FABP12: variants seen among roughly 807,000 people sequenced by gnomAD.
FABP12 encodes fatty acid-binding protein 12.
A neutral mutation model predicts 13.7 loss-of-function variants in FABP12; 19 were observed. The ratio of observed to expected loss-of-function variants is 1.39; its 90% CI spans 0.97 to 2.04. FABP12 has a LOEUF of 2.04. Ranked by LOEUF, FABP12 falls within the 30% of genes most tolerant of loss-of-function variation. FABP12 has a pLI of 0.00. For missense variants in FABP12, 182 were observed against 164.2 expected, an observed-to-expected ratio of 1.11 and a Z score of -0.59; for synonymous variants, 61 against 57.0, an observed-to-expected ratio of 1.07 and a Z score of -0.32.
chr8:81,548,970 G>A (rs922054691), intron 1 of FABP12, among the ~76,000 whole-genome samples: 9 of 152,106 alleles, frequency 5.9e-5, no homozygotes, highest in Non-Finnish European at 8.8e-5. Flanking sequence ...ACAGACAGAC[G>A]TTGACTAAAG....
intron 1 of FABP12, among the ~76,000 whole-genome samples, chr8:81,569,429 C>A (rs151045080): frequency 1.7e-3 from 263 of 152,210 alleles, no homozygotes; most frequent in Non-Finnish European, 2.5e-3. Context: ...TCAACACTGG[C>A]TCCAAGAGAT....
chr8:81,544,898 A>G (rs1279312641), intron 1 of FABP12, among the ~76,000 whole-genome samples: 2 of 152,246 alleles, frequency 1.3e-5, no homozygotes, highest in Non-Finnish European at 2.9e-5. Context: ...GGATCAAAGA[A>G]GAGTTTACTG....
rs71268012 is a variant in FABP12 at position 81,578,823 on chromosome 8, G to GTTTCTTTTTTTTTTTTTTTTTTTT, written c.-185+11229_-185+11230insAAAAAAAAAAAAAAAAAAAAGAAA. ...TACAGAATCTGACACATTTGTTCAAGTTTTTTTTTTTTTTTTTTTGAGAAG... is the reference window on the plus strand; with the variant it reads ...TACAGAATCTGACACATTTGTTCAAGTTTCTTTTTTTTTTTTTTTTTTTTTTTTTTTTTTTTTTTTTTTGAGAAG... On this transcript the variant is annotated intron_variant, in intron 1 of 5. Coordinates refer to the FABP12 transcript ENST00000692030. Among the ~76,000 whole-genome samples the GTTTCTTTTTTTTTTTTTTTTTTTT allele has an allele frequency of 1.0e-4, 11 of 105,660 alleles. 2 individuals are homozygous for GTTTCTTTTTTTTTTTTTTTTTTTT. The highest frequency in any genetic ancestry group is 3.7e-4 in the African/African-American group (9 of 24,606). 69.3% of individuals were successfully genotyped at this position (105,660 alleles called of 152,430 possible).
At chr8:81,577,373 T>C (rs1351902239) in intron 1 of FABP12, among the ~76,000 whole-genome samples, 1 of 152,216 alleles carries the variant, frequency 6.6e-6, no homozygotes, top group African/African-American at 2.4e-5. Context: ...GTATTAATTT[T>C]GATTTTACTA....
Position 81,568,417 on chromosome 8 carries a change from C to T in FABP12, c.-185+21636G>A, listed in dbSNP as rs563232727. On this transcript the variant is annotated intron_variant, in intron 1 of 5. Coordinates refer to the FABP12 transcript ENST00000692030. ...GATCATCAGAGAAGTAGAAATCAAA[C>T]TACAATGAGATATCATCTAACCTCA... is the stretch of plus-strand genomic sequence containing the variant. Among the ~76,000 whole-genome samples, 4 of 152,182 alleles carry T rather than the reference C, an allele frequency of 2.6e-5. No individual in the cohort carries two copies. In the East Asian group the frequency reaches 7.7e-4, roughly 29 times the overall value.
intron 1 of FABP12, among the ~76,000 whole-genome samples, chr8:81,554,529 A>G (rs1393042423): frequency 6.6e-6 from 1 of 152,192 alleles, no homozygotes; most frequent in Non-Finnish European, 1.5e-5. Context: ...ATCTCTCAAT[A>G]GTAAAGAATA....
exon 4 of FABP12, chr8:81,527,079 C>G (rs1808922053): frequency 1.2e-5 from 20 of 1,612,308 alleles, no homozygotes; most frequent in Non-Finnish European, 1.7e-5. Context: ...CCATCCCAGT[C>G]CTGAACTTGA....
chr8:81,559,422 A>C (rs936260793), intron 1 of FABP12, among the ~76,000 whole-genome samples: 8 of 152,220 alleles, frequency 5.3e-5, no homozygotes, highest in African/African-American at 1.9e-4. Context: ...GGATTGTCCA[A>C]GGCTAGATCT....
At chr8:81,585,358 G>A (rs768433465) in intron 1 of FABP12, among the ~76,000 whole-genome samples, 17 of 152,124 alleles carry the variant, frequency 1.1e-4, no homozygotes, top group Non-Finnish European at 2.9e-5. Flanking sequence ...CCTATTGTAT[G>A]TTCTTAGCAC....
At position 81,565,699 on chromosome 8, in the gene FABP12, G is replaced by T. The variant is rs1459191824; in HGVS notation, c.-185+24354C>A. ...GCATTACTAAGAGGAAAGTTTATCAGTATAAGCACCTACATCAAAACAGAA... is the reference window on the plus strand; with the variant it reads ...GCATTACTAAGAGGAAAGTTTATCATTATAAGCACCTACATCAAAACAGAA... On this transcript the variant is annotated intron_variant, in intron 1 of 5. Transcript: ENST00000692030. 2.6e-5 allele frequency among the ~76,000 whole-genome samples: 4 copies of T among 151,984 alleles called. No individual in the cohort carries two copies. The East Asian group carries it at 7.7e-4, about 29-fold the overall frequency.
At chr8:81,580,422 T>C (rs1810138178) in intron 1 of FABP12, among the ~76,000 whole-genome samples, 1 of 152,198 alleles carries the variant, frequency 6.6e-6, no homozygotes, top group African/African-American at 2.4e-5. Flanking sequence ...TTTGAATATA[T>C]TGTCAACAAA....
intron 1 of FABP12, among the ~76,000 whole-genome samples, chr8:81,581,191 G>C (rs1472877121): frequency 2.0e-5 from 3 of 152,166 alleles, no homozygotes; most frequent in Admixed American, 6.5e-5. Context: ...AATGAAGGCA[G>C]AGCCCACTCT....
At chr8:81,525,988 GA>G (rs1363485277) in intron 4 of FABP12, 1 of 152,116 alleles carries the variant, frequency 6.6e-6, no homozygotes, top group African/African-American at 2.4e-5. Flanking sequence ...GGCAGGGGTG[GA>G]AATCCACATC....
At chr8:81,567,819 C>A (rs1809855343) in intron 1 of FABP12, among the ~76,000 whole-genome samples, 1 of 152,100 alleles carries the variant, frequency 6.6e-6, no homozygotes, top group African/African-American at 2.4e-5. Flanking sequence ...GGAATCACAT[C>A]GAGTTAAAAA....
At chr8:81,557,268 G>A (rs1345085092) in intron 1 of FABP12, among the ~76,000 whole-genome samples, 2 of 152,082 alleles carry the variant, frequency 1.3e-5, no homozygotes, top group South Asian at 4.1e-4. Context: ...CCATTTTTCT[G>A]TAACTCTTTA....
intron 1 of FABP12, among the ~76,000 whole-genome samples, chr8:81,564,557 G>A (rs1297378392): frequency 2.0e-5 from 3 of 152,014 alleles, no homozygotes; most frequent in Non-Finnish European, 4.4e-5. Context: ...AATGTAAAAT[G>A]TAGTTTGTAT....
chr8:81,556,884 T>C (rs1809626941), intron 1 of FABP12, among the ~76,000 whole-genome samples: 1 of 141,700 alleles, frequency 7.1e-6, no homozygotes. Flanking sequence ...TACATCTTTT[T>C]TTTTTTTTTT....
At chr8:81,580,784 C>T (rs1328797065) in intron 1 of FABP12, among the ~76,000 whole-genome samples, 1 of 141,860 alleles carries the variant, frequency 7.0e-6, no homozygotes, top group Non-Finnish European at 1.5e-5. Flanking sequence ...CCAACTGTCT[C>T]CTTAAAACAG....
chr8:81,538,077 G>A (rs1436866027), upstream of FABP12, among the ~76,000 whole-genome samples: 1 of 152,202 alleles, frequency 6.6e-6, no homozygotes, highest in East Asian at 1.9e-4. Flanking sequence ...GGGAGCTGGT[G>A]TATCACATGG....
Sources: gnomAD v4.1 joint callset for allele counts (sites outside exome capture counted in the v4.1 genomes callset) on GRCh38, gnomAD v4.1.1 for gene constraint, MANE v1.5 for transcripts, NCBI Gene and HGNC (gene_info 2026-07-23, HGNC 2026-07-21) for gene names.